Variants in RBMS1 observed in about 807,000 individuals in gnomAD.
The protein encoded by RBMS1 is RNA-binding motif, single-stranded-interacting protein 1.
RBMS1 carries 17 observed loss-of-function variants against 62.3 expected under a neutral mutation model. The ratio of observed to expected loss-of-function variants is 0.27; its 90% confidence interval spans 0.19 to 0.41. The LOEUF (loss-of-function observed/expected upper bound fraction) is 0.41, where lower values mean the gene tolerates loss of function less well. Ranked by LOEUF, RBMS1 falls within the 10% of genes least tolerant of loss-of-function variation. RBMS1 has a pLI of 1.00. For synonymous variants in RBMS1, 172 were observed against 170.0 expected (o/e 1.01, Z -0.09); for missense variants, 334 against 504.5 (o/e 0.66, Z 3.24).
intron 2 of RBMS1, among the ~76,000 whole-genome samples, chr2:160,356,398 G>A (rs1467827144): frequency 6.6e-6 from 1 of 150,430 alleles, no homozygotes; most frequent in Non-Finnish European, 1.5e-5. Context: ...ATATCTCTTA[G>A]GGTCCTGGAG....
intron 1 of RBMS1, chr2:160,416,073 C>CT (rs1173760893): frequency 6.7e-6 from 1 of 148,676 alleles, no homozygotes; most frequent in East Asian, 2.0e-4. Context: ...CCCTGAGTAT[C>CT]TTTAAGAATG....
chr2:160,311,561 C>A (rs1689920501), intron 4 of RBMS1, among the ~76,000 whole-genome samples: 3 of 151,982 alleles, frequency 2.0e-5, no homozygotes, highest in Admixed American at 1.3e-4. Context: ...TTACGTGCTA[C>A]AATTCAAAAG....
rs565206311 is a variant in RBMS1, at chr2:160,403,203, G to T, written c.76-35812C>A. Among the ~76,000 whole-genome samples the T allele has an allele frequency of 2.0e-5, 3 of 152,212 alleles. No homozygotes were observed. The East Asian group carries it at 5.8e-4, about 29-fold the overall frequency. Reference sequence around the variant, plus strand: ...GATCCTACCTGACCACAAATACACAGAGATAACATAACATAAAAATGGGCC... The same window carrying T: ...GATCCTACCTGACCACAAATACACATAGATAACATAACATAAAAATGGGCC... On this transcript the variant is annotated intron_variant, in intron 1 of 13. Transcript: ENST00000348849.
At chr2:160,323,612 G>A (rs67651462) in intron 2 of RBMS1, among the ~76,000 whole-genome samples, 47,976 of 85,504 alleles carry the variant, frequency 0.56, 10,517 homozygotes, top group Middle Eastern at 0.69. Context: ...TTTCATGAAA[G>A]AAAAAAAAAA....
chr2:160,308,788 CAACCT>C (rs1161073337), intron 4 of RBMS1, among the ~76,000 whole-genome samples: 1 of 152,172 alleles, frequency 6.6e-6, no homozygotes, highest in Admixed American at 6.5e-5. Context: ...TGCTCATTTT[CAACCT>C]GGGGGAAAGC....
At chr2:160,471,428 G>A (rs1339176404) in intron 1 of RBMS1, among the ~76,000 whole-genome samples, 1 of 151,440 alleles carries the variant, frequency 6.6e-6, no homozygotes, top group Non-Finnish European at 1.5e-5. Context: ...TTAATTTAAA[G>A]GAGATATTTT....
chr2:160,398,366 T>C (rs1016323336), intron 1 of RBMS1, among the ~76,000 whole-genome samples: 5 of 152,202 alleles, frequency 3.3e-5, no homozygotes, highest in Non-Finnish European at 7.3e-5. Context: ...ATTTGCCATA[T>C]AACAATGTGT....
chr2:160,441,480 T>C (rs1683408711), intron 1 of RBMS1, among the ~76,000 whole-genome samples: 1 of 152,194 alleles, frequency 6.6e-6, no homozygotes, highest in Admixed American at 6.5e-5. Flanking sequence ...TCTCAGCACT[T>C]TGGGAGGCCA....
chr2:160,304,294 G>A lies in RBMS1; in HGVS notation c.403-807C>T, dbSNP rs560968707. On this transcript the variant is annotated intron_variant, in intron 4 of 13. Transcript: ENST00000348849. ...AAGGAGAATAATTATGTAACTGTAG[G>A]CAAAAGGCAAGGTAGTCTTGCCAGA... Among the ~76,000 whole-genome samples the A allele has an allele frequency of 8.5e-5, 13 of 152,204 alleles. No homozygotes were observed. In the East Asian group the frequency reaches 1.5e-3, roughly 18 times the overall value.
intron 1 of RBMS1, among the ~76,000 whole-genome samples, chr2:160,404,649 T>C (rs1412718715): frequency 6.6e-6 from 1 of 152,186 alleles, no homozygotes; most frequent in African/African-American, 2.4e-5. Context: ...CTTCCTCGGA[T>C]GCTGAGAGAT....
intron 1 of RBMS1, among the ~76,000 whole-genome samples, chr2:160,469,903 G>A (rs1684850949): frequency 6.6e-6 from 1 of 152,236 alleles, no homozygotes; most frequent in Non-Finnish European, 1.5e-5. Flanking sequence ...TTTCTGAAAG[G>A]AGGAATGATA....
intron 4 of RBMS1, among the ~76,000 whole-genome samples, chr2:160,304,045 G>A (rs538196837): frequency 3.9e-5 from 6 of 152,198 alleles, no homozygotes; most frequent in African/African-American, 1.2e-4. Flanking sequence ...TAACAAAGCC[G>A]TATAAAATAG....
chr2:160,371,050 T>TA (rs1347425464), intron 1 of RBMS1, among the ~76,000 whole-genome samples: 1 of 152,198 alleles, frequency 6.6e-6, no homozygotes, highest in Admixed American at 6.5e-5. Flanking sequence ...TGCTAAACAT[T>TA]AGAGTCAACA....
intron 8 of RBMS1, 42 bp downstream of exon 8, chr2:160,284,953 C>T (rs1266336283): frequency 2.5e-6 from 4 of 1,591,120 alleles, no homozygotes; most frequent in Non-Finnish European, 3.4e-6. Context: ...TCCACCTTCA[C>T]ATTTTCCCTC....
chr2:160,461,472 A>T (rs969124820), intron 1 of RBMS1, among the ~76,000 whole-genome samples: 3 of 152,242 alleles, frequency 2.0e-5, no homozygotes, highest in East Asian at 3.9e-4. Flanking sequence ...GACAGGAATG[A>T]CTTCCTGTCC....
intron 1 of RBMS1, among the ~76,000 whole-genome samples, chr2:160,415,392 G>C (rs180873103): frequency 1.6e-4 from 25 of 152,112 alleles, no homozygotes; most frequent in African/African-American, 4.8e-4. Flanking sequence ...CAAGAGCTGA[G>C]GTGAGGAAGG....
At position 160,284,801 on chromosome 2, in the gene RBMS1, T is replaced by C; in HGVS notation, c.874A>G (p.Ile292Val). ...TGGTAGGCAGATACAGGAGATGCAA[T>C]ATAGGGTGTAATAGAAGTTTGAGTG... ...MITQTSITPYIASPVSAYQVQ... is the reference protein window; with the variant it reads ...MITQTSITPYVASPVSAYQVQ... The change falls in exon 9 of 14, where the codon ATT (isoleucine) becomes GTT (valine). Residue 292 changes from isoleucine to valine, a missense_variant. Physicochemically the swap from Ile to Val is conservative, Grantham distance 29 (BLOSUM62 3). This residue lies in a region of RBMS1 where 182 missense variants were observed against 257.7 expected (regional missense o/e 0.71). Transcript: ENST00000348849. The C allele has an allele frequency of 6.2e-7, 1 of 1,606,320 alleles. No individual in the cohort carries two copies. The highest frequency in any genetic ancestry group is 8.5e-7 in the Non-Finnish European group (1 of 1,172,952).
In RBMS1 at chr2:160,493,554, CTCCTCCTCCTCCTCCTCT is replaced by C. The variant is rs1401765951; in HGVS notation, c.-209_-192del. The C allele has an allele frequency of 2.3e-5, 14 of 619,838 alleles. 1 individual carries two copies. The Admixed American group carries it at 2.5e-4, about 11-fold the overall frequency. The allele number at this position is 619,838 out of a possible 1,614,324, so 38.4% of individuals were successfully genotyped here. A position where few individuals can be genotyped will look rare whatever the true frequency, so the allele number is the denominator to read the frequency against. ...CCTCCTCCTCCTCTTCCTCCTCCTC[CTCCTCCTCCTCCTCCTCT>C]TCCTCCTCCTCCTCCTCCTCCCAGG... is the stretch of plus-strand genomic sequence containing the variant. On this transcript the variant is annotated 5_prime_UTR_variant, in exon 1 of 14. Transcript: ENST00000348849.
chr2:160,493,451 C>T lies in RBMS1; in HGVS notation c.-88G>A. ...TCTCCTGCCTCTCCCTTTCCGGCGG[C>T]GGCGGCAGCGGCGGCGGCGGCGGCG... On this transcript the variant is annotated 5_prime_UTR_variant, in exon 1 of 14. Transcript: ENST00000348849. 7.9e-7 allele frequency: 1 copy of T among 1,261,792 alleles called. No individual in the cohort carries two copies. Among genetic ancestry groups the T allele is most frequent in the Non-Finnish European group, 1.1e-6 (1 of 880,588 alleles). 78.2% of individuals were successfully genotyped at this position (1,261,792 alleles called of 1,614,324 possible).
Sources: allele counts gnomAD v4.1 joint callset (sites outside exome capture counted in the v4.1 genomes callset), GRCh38; gene constraint gnomAD v4.1.1; regional missense constraint gnomAD v4.1.1; transcripts MANE v1.5; gene names NCBI Gene and HGNC (gene_info 2026-07-23, HGNC 2026-07-21).